Variants in ZNF558 observed in about 807,000 individuals in gnomAD.
The protein encoded by ZNF558 is zinc finger protein 558.
A neutral mutation model predicts 37.6 loss-of-function variants in ZNF558; 23 were observed. That is an observed-to-expected ratio of 0.61 (90% CI 0.44 to 0.87). The LOEUF (loss-of-function observed/expected upper bound fraction) is 0.87, where lower values mean the gene tolerates loss of function less well. Among genes scored for constraint, ZNF558 ranks in the 40% least tolerant of loss-of-function variants. The pLI, the probability that ZNF558 is intolerant of heterozygous loss-of-function variation, is 0.00. For synonymous variants in ZNF558, 189 were observed against 174.4 expected (o/e 1.08, Z -0.66); for missense variants, 429 against 483.7 (o/e 0.89, Z 1.06).
chr19:8,822,722 G>A lies in ZNF558; in HGVS notation c.-63C>T, dbSNP rs757854603. Reference sequence around the variant, plus strand: ...GGACGCTCCTCCTTTATCCCGCAGCGCTCTGGAAGAAACGGGAATGCTCCA... The same window carrying A: ...GGACGCTCCTCCTTTATCCCGCAGCACTCTGGAAGAAACGGGAATGCTCCA... On this transcript the variant is annotated splice_region_variant and 5_prime_UTR_variant, in exon 5 of 10. Transcript: ENST00000601372. The surrounding 1 kb of genome is among the most constrained non-coding windows in gnomAD (Gnocchi z 4.4). The A allele has an allele frequency of 3.3e-5, 54 of 1,612,908 alleles. No homozygotes were observed. The highest frequency in any genetic ancestry group is 6.7e-5 in the East Asian group (3 of 44,862).
At position 8,811,957 on chromosome 19, in the gene ZNF558, T is replaced by A. The variant is rs782116112; in HGVS notation, c.533A>T (p.Lys178Ile). 12 of 1,614,144 alleles carry A rather than the reference T, an allele frequency of 7.4e-6. No homozygotes were observed. Among genetic ancestry groups the A allele is most frequent in the Non-Finnish European group, 8.5e-7 (1 of 1,180,014 alleles). The change falls in exon 10 of 10, where the codon AAA (lysine) becomes ATA (isoleucine). Residue 178 changes from lysine (K) to isoleucine (I), a missense_variant. Lys to Ile is a moderately radical substitution (Grantham distance 102). Coordinates refer to ENST00000601372, the MANE Select transcript of ZNF558 (RefSeq NM_144693.3). The part of the protein sequence containing the change: ...TQHKRIHTGE[K>I]PYDCSQCGKS... ...CCCACATTGACTACAGTCATAGGGT[T>A]TTTCTCCAGTATGAATTCTCTTGTG...
In ZNF558 at chr19:8,811,585, C is replaced by T; in HGVS notation, c.905G>A (p.Arg302Lys). 6.2e-7 allele frequency: 1 copy of T among 1,614,110 alleles called. No homozygotes were observed. Residue 302 changes from arginine to lysine, a missense_variant, in exon 10 of 10, where the codon AGG becomes AAG. By Grantham distance (26) the Arg-to-Lys change is conservative. Transcript: ENST00000601372. ...GTGCTGTGTCAGATAGGAGCTCTTC[C>T]TGAAGGTTTTCCCACAATCGTGACA... ...YECHDCGKTFRKSSYLTQHVR... is the reference protein window; with the variant it reads ...YECHDCGKTFKKSSYLTQHVR...
intron 2 of ZNF558, among the ~76,000 whole-genome samples, chr19:8,830,148 TTCTC>T (rs984540450): frequency 1.3e-5 from 2 of 152,106 alleles, no homozygotes; most frequent in African/African-American, 2.4e-5. Flanking sequence ...CGTTTATGTC[TTCTC>T]TCTCTCTCCT....
At chr19:8,824,654 C>T (rs2044190092) in intron 3 of ZNF558, among the ~76,000 whole-genome samples, 1 of 152,156 alleles carries the variant, frequency 6.6e-6, no homozygotes, top group South Asian at 2.1e-4. Flanking sequence ...GAGCTGCCTG[C>T]CTTCTCCGCA....
rs2044201190 is a variant in ZNF558, at chr19:8,825,102, G to C, written c.-502C>G. ...TCTTCATTCTCACACACTGCTGGGG[G>C]TAACCCCTAGGGAAGGAAACGTGCT... is the stretch of plus-strand genomic sequence containing the variant. On this transcript the variant is annotated 5_prime_UTR_variant, in exon 3 of 10. Coordinates refer to ENST00000601372, the MANE Select transcript of ZNF558 (RefSeq NM_144693.3). 6.6e-6 allele frequency: 1 copy of C among 152,242 alleles called. No homozygotes were observed. The highest frequency in any genetic ancestry group is 1.9e-4 in the East Asian group (1 of 5,192). 9.4% of individuals were successfully genotyped at this position (152,242 alleles called of 1,614,324 possible).
chr19:8,815,797 AAGAG>A lies in ZNF558; in HGVS notation c.248-2579_248-2576del, dbSNP rs145744383. On this transcript the variant is annotated intron_variant, in intron 7 of 9. Coordinates refer to ENST00000601372, the MANE Select transcript of ZNF558 (RefSeq NM_144693.3). The stretch of plus-strand genomic sequence containing the variant: ...TGAGTGAGAACCTGTCTCAAAGATA[AAGAG>A]AGAGAGAGAGAGAGAGAGAATGTGA... Among the ~76,000 whole-genome samples, 1,429 of 148,108 alleles carry A rather than the reference AAGAG, an allele frequency of 9.6e-3. 25 individuals are homozygous for A. The highest frequency in any genetic ancestry group is 0.028 in the African/African-American group (1,119 of 40,438).
At chr19:8,830,414 C>G (rs67067711) in intron 2 of ZNF558, among the ~76,000 whole-genome samples, 3 of 151,956 alleles carry the variant, frequency 2.0e-5, no homozygotes, top group African/African-American at 4.8e-5. Context: ...ACCCTTCAAT[C>G]TATAAGTTGT....
upstream of ZNF558, chr19:8,833,564 T>C (rs2044413278): frequency 6.6e-6 from 1 of 152,220 alleles, no homozygotes; most frequent in African/African-American, 2.4e-5. Context: ...TTATACACCA[T>C]GGATATAGAC....
intron 7 of ZNF558, among the ~76,000 whole-genome samples, chr19:8,818,140 C>G (rs2043987897): frequency 6.6e-6 from 1 of 152,018 alleles, no homozygotes; most frequent in Admixed American, 6.6e-5. Flanking sequence ...CTTCCTTAAC[C>G]ACAATGGAAT....
upstream of ZNF558, chr19:8,832,315 T>A (rs2044382257): frequency 6.6e-6 from 1 of 152,348 alleles, no homozygotes; most frequent in South Asian, 2.1e-4. Context: ...GCCCCGCGCT[T>A]CCGCTTCCGG....
Position 8,822,970 on chromosome 19 carries a change from C to T in ZNF558, c.-65-246G>A, listed in dbSNP as rs997601875. 2.7e-5 allele frequency: 11 copies of T among 411,018 alleles called. No individual in the cohort carries two copies. Among genetic ancestry groups the T allele is most frequent in the African/African-American group, 6.0e-5 (3 of 49,922 alleles). 25.5% of individuals were successfully genotyped at this position (411,018 alleles called of 1,614,324 possible). ...ACCCGCTTTGAGAACCTCGGCTTCACGCAGTCTCACGGCATGTTCTTCCCA... is the reference window on the plus strand; with the variant it reads ...ACCCGCTTTGAGAACCTCGGCTTCATGCAGTCTCACGGCATGTTCTTCCCA... On this transcript the variant is annotated intron_variant, in intron 4 of 9. Transcript: ENST00000601372. This position sits in a 1 kb window ranked among gnomAD's most constrained non-coding sequence, Gnocchi z 4.4.
intron 2 of ZNF558, among the ~76,000 whole-genome samples, chr19:8,828,411 A>G (rs2044279623): frequency 6.6e-6 from 1 of 152,144 alleles, no homozygotes; most frequent in East Asian, 1.9e-4. Context: ...TCTTTGTGCT[A>G]AGTTTCTTCT....
rs781992272 is a variant in ZNF558 at position 8,811,586 on chromosome 19, T to G, written c.904A>C (p.Arg302=). Residue 302 remains arginine, a synonymous_variant, in exon 10 of 10, where the codon AGG becomes CGG. Transcript: ENST00000601372. Reference sequence around the variant, plus strand: ...TGCTGTGTCAGATAGGAGCTCTTCCTGAAGGTTTTCCCACAATCGTGACAT... The same window carrying G: ...TGCTGTGTCAGATAGGAGCTCTTCCGGAAGGTTTTCCCACAATCGTGACAT... The part of the protein sequence containing the change: ...YECHDCGKTF[R]KSSYLTQHVR... The G allele has an allele frequency of 1.2e-6, 2 of 1,614,192 alleles. No homozygotes were observed. The highest frequency in any genetic ancestry group is 4.5e-5 in the East Asian group (2 of 44,884).
chr19:8,813,217 G>C lies in ZNF558; in HGVS notation c.253C>G (p.Arg85Gly). The change falls in exon 8 of 10, where the codon CGT becomes GGT. Residue 85 changes from arginine to glycine, a missense_variant. Physicochemically the swap from Arg to Gly is moderately radical, Grantham distance 125 (BLOSUM62 -2). Transcript: ENST00000601372. ...GATATCAGACTGGGTTTATTAACAC[G>C]ACACCCTATTTATGGAAACAATACA... ...NCRNLASLGC[R>G]VNKPSLISQL... 1 of 1,588,052 alleles carries C rather than the reference G, an allele frequency of 6.3e-7. No homozygotes were observed. The highest frequency in any genetic ancestry group is 8.6e-7 in the Non-Finnish European group (1 of 1,165,706).
At position 8,821,310 on chromosome 19, in the gene ZNF558, A is replaced by G. The variant is rs1289613446; in HGVS notation, c.121-4T>C. ...CATCCTCGAAGGTTACCAAGCCCTA[A>G]AGCATTGCAAACATCACGGCTTAGC... On this transcript the variant is annotated splice_polypyrimidine_tract_variant and splice_region_variant and intron_variant, in intron 6 of 9. Transcript: ENST00000601372. 2.5e-6 allele frequency: 4 copies of G among 1,614,056 alleles called. No homozygotes were observed. The highest frequency in any genetic ancestry group is 3.4e-6 in the Non-Finnish European group (4 of 1,180,046).
intron 7 of ZNF558, among the ~76,000 whole-genome samples, chr19:8,818,236 G>A (rs575653990): frequency 5.9e-5 from 9 of 152,020 alleles, no homozygotes; most frequent in African/African-American, 1.4e-4. Context: ...GGTGGATCAC[G>A]AGGTCAAGAG....
intron 7 of ZNF558, among the ~76,000 whole-genome samples, chr19:8,814,159 G>A (rs1555769464): frequency 6.6e-6 from 1 of 152,218 alleles, no homozygotes; most frequent in Non-Finnish European, 1.5e-5. Context: ...ATCTGGGTAA[G>A]AGAGCTTTAT....
chr19:8,827,862 C>T (rs2044267848), intron 2 of ZNF558, among the ~76,000 whole-genome samples: 1 of 152,170 alleles, frequency 6.6e-6, no homozygotes, highest in South Asian at 2.1e-4. Flanking sequence ...GTGTGAGCCA[C>T]TGCGCCCAGC....
intron 7 of ZNF558, among the ~76,000 whole-genome samples, chr19:8,820,936 G>A (rs1004438532): frequency 6.6e-6 from 1 of 152,126 alleles, no homozygotes; most frequent in Non-Finnish European, 1.5e-5. Context: ...AAAGTAACGG[G>A]TATTGGCTGC....
Sources: allele counts gnomAD v4.1 joint callset (sites outside exome capture counted in the v4.1 genomes callset), GRCh38; gene constraint gnomAD v4.1.1; non-coding constraint Gnocchi (gnomAD v3.1); transcripts MANE v1.5; gene names NCBI Gene and HGNC (gene_info 2026-07-23, HGNC 2026-07-21).